CHD6: variants seen among roughly 807,000 people sequenced by gnomAD.
CHD6 encodes the protein chromodomain helicase DNA binding protein 6.
In CHD6, 50 loss-of-function variants were observed where a neutral mutation model predicts 276.9. That is an observed-to-expected ratio of 0.18 (90% confidence interval 0.14 to 0.23). CHD6 has a LOEUF of 0.23. Ranked by LOEUF, CHD6 falls within the 10% of genes least tolerant of loss-of-function variation. The probability of loss-of-function intolerance (pLI) is 1.00; values close to 1 mark genes in which losing one functional copy is unlikely to be tolerated. For missense variants in CHD6, 2,564 were observed against 3,365.8 expected (o/e 0.76, Z 5.89); for synonymous variants, 1,173 against 1,229.3 (o/e 0.95, Z 0.96).
intron 1 of CHD6, among the ~76,000 whole-genome samples, chr20:41,610,776 T>C (rs2045879387): frequency 6.6e-6 from 1 of 150,690 alleles, no homozygotes; most frequent in African/African-American, 2.4e-5. Flanking sequence ...AATAAATAAA[T>C]AAATAAATAA....
intron 1 of CHD6, among the ~76,000 whole-genome samples, chr20:41,581,325 C>A (rs181053918): frequency 6.6e-6 from 1 of 152,114 alleles, no homozygotes; most frequent in Non-Finnish European, 1.5e-5. Flanking sequence ...TCCAGGCAGT[C>A]TGGTTGCTGA....
chr20:41,513,913 T>C (rs976598844), intron 4 of CHD6, among the ~76,000 whole-genome samples: 1 of 152,094 alleles, frequency 6.6e-6, no homozygotes, highest in Non-Finnish European at 1.5e-5. Context: ...TAAAAACCTC[T>C]CCCCAACACC....
chr20:41,581,674 CAAAA>C (rs11312840), intron 1 of CHD6, among the ~76,000 whole-genome samples: 1 of 134,972 alleles, frequency 7.4e-6, no homozygotes, highest in South Asian at 2.3e-4. Flanking sequence ...GACTCCATCT[CAAAA>C]AAAAAAAAAA....
rs1438926670 is a variant in CHD6 at position 41,420,375 on chromosome 20, T to C, written c.6127+133A>G. On this transcript the variant is annotated intron_variant, in intron 31 of 36. Coordinates refer to ENST00000373233, the MANE Select transcript of CHD6 (RefSeq NM_032221.5). Reference sequence around the variant, plus strand: ...ACTCGAATTTTCAGTCCAAGGCCTATGACCTTTGGTGAGGGTAGGCAGGTC... The same window carrying C: ...ACTCGAATTTTCAGTCCAAGGCCTACGACCTTTGGTGAGGGTAGGCAGGTC... The C allele has an allele frequency of 1.2e-5, 11 of 950,178 alleles. No homozygotes were observed. The East Asian group carries it at 2.4e-4, about 21-fold the overall frequency. 58.9% of individuals were successfully genotyped at this position (950,178 alleles called of 1,614,324 possible).
intron 17 of CHD6, among the ~76,000 whole-genome samples, chr20:41,469,123 T>A (rs529137615): frequency 1.3e-5 from 2 of 152,252 alleles, no homozygotes; most frequent in South Asian, 4.2e-4. Flanking sequence ...CTTCTGGCGA[T>A]TGTGGAAAGG....
At chr20:41,549,638 TATAATA>T (rs1183250282) in intron 2 of CHD6, among the ~76,000 whole-genome samples, 1 of 150,192 alleles carries the variant, frequency 6.7e-6, no homozygotes, top group Non-Finnish European at 1.5e-5. Flanking sequence ...AAACTTAAAG[TATAATA>T]ATAATAAAAT....
chr20:41,534,816 G>A (rs2866742), intron 2 of CHD6, among the ~76,000 whole-genome samples: 67,946 of 151,984 alleles, frequency 0.45, 16,376 homozygotes, highest in African/African-American at 0.63. Context: ...AAAAAAAATG[G>A]TTAAGGTGGT....
intron 31 of CHD6, among the ~76,000 whole-genome samples, chr20:41,419,685 C>A (rs1000968678): frequency 2.0e-5 from 3 of 151,348 alleles, no homozygotes; most frequent in African/African-American, 4.9e-5. Flanking sequence ...TCTGTCTACA[C>A]CCCTCAGCAC....
At chr20:41,540,894 TCAGTTTGTG>T (rs921153667) in intron 2 of CHD6, among the ~76,000 whole-genome samples, 5 of 152,148 alleles carry the variant, frequency 3.3e-5, no homozygotes, top group African/African-American at 1.2e-4. Flanking sequence ...TATTAATAAA[TCAGTTTGTG>T]GACAACATTT....
At chr20:41,525,849 G>A (rs1404665517) in intron 3 of CHD6, among the ~76,000 whole-genome samples, 2 of 152,084 alleles carry the variant, frequency 1.3e-5, no homozygotes, top group African/African-American at 4.8e-5. Flanking sequence ...GTTATATCAG[G>A]TTTTTCATTT....
At chr20:41,425,088 A>C in intron 29 of CHD6, 90 bp downstream of exon 29, 1 of 974,394 alleles carries the variant, frequency 1.0e-6, no homozygotes, top group Non-Finnish European at 1.6e-6. Flanking sequence ...GAGAACAGAA[A>C]TATACTCGCC....
At chr20:41,411,201 G>A (rs2046832341) in intron 36 of CHD6, among the ~76,000 whole-genome samples, 1 of 35,602 alleles carries the variant, frequency 2.8e-5, no homozygotes. Flanking sequence ...CTAGACCAGC[G>A]GTCATCCAGG....
At chr20:41,453,062 C>A (rs62208497) in intron 20 of CHD6, 120 bp from the exon 21 acceptor site, 1 of 736,276 alleles carries the variant, frequency 1.4e-6, no homozygotes, top group Non-Finnish European at 2.3e-6. Flanking sequence ...TCCTCCAGCA[C>A]GAAGGGCTAT....
chr20:41,549,475 AC>A (rs1221337606), intron 2 of CHD6, among the ~76,000 whole-genome samples: 1 of 120,028 alleles, frequency 8.3e-6, no homozygotes, highest in Admixed American at 1.0e-4. Flanking sequence ...GGGGAACATC[AC>A]ACTCCGGAGA....
intron 27 of CHD6, among the ~76,000 whole-genome samples, chr20:41,430,458 A>G (rs1459791806): frequency 6.6e-6 from 1 of 152,178 alleles, no homozygotes; most frequent in Non-Finnish European, 1.5e-5. Flanking sequence ...GCCTCTTCAT[A>G]TGAGCTACTG....
chr20:41,567,384 AG>A (rs557868187), intron 1 of CHD6, among the ~76,000 whole-genome samples: 337 of 152,298 alleles, frequency 2.2e-3, no homozygotes, highest in Non-Finnish European at 3.5e-3. Context: ...TGTGTACCCC[AG>A]GAACAGGCTC....
chr20:41,537,383 T>C (rs1001725936), intron 2 of CHD6, among the ~76,000 whole-genome samples: 1 of 152,220 alleles, frequency 6.6e-6, no homozygotes, highest in Non-Finnish European at 1.5e-5. Context: ...TTGTGTTGTG[T>C]TAGGTCTTGT....
intron 15 of CHD6, among the ~76,000 whole-genome samples, chr20:41,484,030 T>C (rs2043355756): frequency 6.6e-6 from 1 of 152,168 alleles, no homozygotes; most frequent in Non-Finnish European, 1.5e-5. Flanking sequence ...TGTCCCCAAG[T>C]AGAAAGTGTG....
chr20:41,437,151 T>C lies in CHD6; in HGVS notation c.4068+123A>G, dbSNP rs137980221. The stretch of plus-strand genomic sequence containing the variant: ...TATTTTAAGTTTTTATAATAAAATG[T>C]TGGGCAAAATGCAATGTAACTGTAG... On this transcript the variant is annotated intron_variant, in intron 27 of 36. Coordinates refer to ENST00000373233, the MANE Select transcript of CHD6 (RefSeq NM_032221.5). 1.8e-5 allele frequency: 12 copies of C among 669,108 alleles called. No individual in the cohort carries two copies. In the East Asian group the frequency reaches 1.9e-4, roughly 10 times the overall value. 41.4% of individuals were successfully genotyped at this position (669,108 alleles called of 1,614,324 possible).
Sources: gnomAD v4.1 joint callset for allele counts (sites outside exome capture counted in the v4.1 genomes callset) on GRCh38, gnomAD v4.1.1 for gene constraint, MANE v1.5 for transcripts, NCBI Gene and HGNC (gene_info 2026-07-23, HGNC 2026-07-21) for gene names.